FOCAD: variants seen among roughly 807,000 people sequenced by gnomAD.
FOCAD encodes KIAA1797.
In FOCAD, 198 loss-of-function variants were observed where a neutral mutation model predicts 225.6. That is an observed-to-expected ratio of 0.88 (90% CI 0.78 to 0.99). The LOEUF is 0.99. FOCAD is among the 50% of genes least tolerant of loss of function. The pLI, the probability that FOCAD is intolerant of heterozygous loss-of-function variation, is 0.00. For missense variants in FOCAD, 2,713 were observed against 2,123.6 expected (o/e 1.28, Z -5.46); for synonymous variants, 897 against 755.0 (o/e 1.19, Z -3.08).
intron 21 of FOCAD, among the ~76,000 whole-genome samples, chr9:20,888,117 A>ATTTTCTTTTTTTTTTTT (rs1831267420): frequency 1.4e-5 from 1 of 72,174 alleles, no homozygotes; most frequent in Non-Finnish European, 3.0e-5. Context: ...ATGTCTTTTC[A>ATTTTCTTTTTTTTTTTT]TTTTCTTTTT....
At position 20,993,341 on chromosome 9, in the gene FOCAD, T is replaced by C. The variant is rs758408663; in HGVS notation, c.5332+13T>C. On this transcript the variant is annotated intron_variant, in intron 43 of 43. Transcript: ENST00000338382. ...GATCTTTTGAAAGGTATTACTTCCA[T>C]GTTTTATGCTCAACATAGGGGAAAA... is the stretch of plus-strand genomic sequence containing the variant. The C allele has an allele frequency of 6.2e-7, 1 of 1,602,826 alleles. No individual in the cohort carries two copies. Among genetic ancestry groups the C allele is most frequent in the Non-Finnish European group, 8.5e-7 (1 of 1,170,028 alleles).
intron 18 of FOCAD, among the ~76,000 whole-genome samples, chr9:20,871,170 C>G (rs535418104): frequency 6.6e-6 from 1 of 151,880 alleles, no homozygotes; most frequent in Non-Finnish European, 1.5e-5. Flanking sequence ...TGCCACTACA[C>G]TCCAGCCCAG....
At chr9:20,885,644 C>A (rs1041072886) in intron 21 of FOCAD, 3 of 152,198 alleles carry the variant, frequency 2.0e-5, no homozygotes, top group Admixed American at 2.0e-4. Context: ...AGAAAAATAA[C>A]CCTTGGTTTT....
intron 10 of FOCAD, among the ~76,000 whole-genome samples, chr9:20,785,191 T>G (rs1819787426): frequency 6.6e-6 from 1 of 152,230 alleles, no homozygotes; most frequent in African/African-American, 2.4e-5. Flanking sequence ...GGTAAATAAC[T>G]TACTGTCATG....
rs527798184 is a variant in FOCAD at position 20,808,350 on chromosome 9, A to G, written c.1456-11446A>G. ...GTTATATTTATAGTCCTGGGTAAAT[A>G]CAAGAAGAATAGGGGCAGGTTTGCC... is the stretch of plus-strand genomic sequence containing the variant. On this transcript the variant is annotated intron_variant, in intron 11 of 43. Transcript: ENST00000338382. 2.0e-5 allele frequency among the ~76,000 whole-genome samples: 3 copies of G among 152,308 alleles called. No individual in the cohort carries two copies. In the East Asian group the frequency reaches 5.8e-4, roughly 29 times the overall value.
intron 1 of FOCAD, among the ~76,000 whole-genome samples, chr9:20,689,283 G>T (rs1822839049): frequency 6.6e-6 from 1 of 152,170 alleles, no homozygotes; most frequent in Non-Finnish European, 1.5e-5. Context: ...AATGAGACTG[G>T]TGGTGCATTC....
intron 19 of FOCAD, among the ~76,000 whole-genome samples, chr9:20,879,254 C>G (rs1404138754): frequency 6.6e-6 from 1 of 152,214 alleles, no homozygotes; most frequent in African/African-American, 2.4e-5. Context: ...ACAGATGCAA[C>G]TATCCTGTGT....
At chr9:20,726,211 G>A (rs1826183188) in intron 4 of FOCAD, 1 of 152,198 alleles carries the variant, frequency 6.6e-6, no homozygotes, top group Non-Finnish European at 1.5e-5. Context: ...TCCTGGAATA[G>A]AGTCCCAAAC....
intron 5 of FOCAD, among the ~76,000 whole-genome samples, chr9:20,752,569 T>G (rs934816127): frequency 8.5e-5 from 13 of 152,156 alleles, no homozygotes; most frequent in East Asian, 1.9e-4. Context: ...TAGCCTTGTA[T>G]TATAGTTTGA....
At position 20,968,342 on chromosome 9, in the gene FOCAD, T is replaced by A. The variant is rs563511619; in HGVS notation, c.4133-8078T>A. The stretch of plus-strand genomic sequence containing the variant: ...GATTTTATTTGCATGCTCTTTATGT[T>A]TTTTTTCTTAGTCTAGATAACAGTT... On this transcript the variant is annotated intron_variant, in intron 35 of 43. Coordinates refer to ENST00000338382, the MANE Select transcript of FOCAD (RefSeq NM_001375567.1). Among the ~76,000 whole-genome samples the A allele has an allele frequency of 5.2e-4, 79 of 152,038 alleles. No individual in the cohort carries two copies. In the Middle Eastern group the frequency reaches 0.017, roughly 33 times the overall value.
chr9:20,782,311 A>G (rs530298276), intron 10 of FOCAD, among the ~76,000 whole-genome samples: 1 of 152,320 alleles, frequency 6.6e-6, no homozygotes, highest in South Asian at 2.1e-4. Context: ...AAGGTGGGAA[A>G]TAGTCCTCAA....
intron 2 of FOCAD, among the ~76,000 whole-genome samples, chr9:20,673,029 G>T (rs1205007080): frequency 5.6e-4 from 85 of 152,292 alleles, no homozygotes; most frequent in Non-Finnish European, 5.9e-5. Flanking sequence ...AAGATACTCA[G>T]ATTTTATTCC....
chr9:20,918,161 C>G (rs1834028426), intron 24 of FOCAD, among the ~76,000 whole-genome samples: 1 of 152,322 alleles, frequency 6.6e-6, no homozygotes. Context: ...AGTTTGTTCT[C>G]TTATGTAGTC....
intron 21 of FOCAD, among the ~76,000 whole-genome samples, chr9:20,897,436 A>T (rs1000748095): frequency 1.3e-5 from 2 of 149,802 alleles, no homozygotes; most frequent in African/African-American, 4.9e-5. Context: ...TTTGTTGCTC[A>T]TGTTCTTTAT....
At chr9:20,761,666 C>T (rs1002849362) in intron 6 of FOCAD, among the ~76,000 whole-genome samples, 4 of 152,036 alleles carry the variant, frequency 2.6e-5, no homozygotes, top group Non-Finnish European at 5.9e-5. Flanking sequence ...ATGATCCACC[C>T]GCCTCGGACT....
chr9:20,854,315 G>A (rs772112198), intron 15 of FOCAD, among the ~76,000 whole-genome samples: 1 of 151,552 alleles, frequency 6.6e-6, no homozygotes, highest in African/African-American at 2.4e-5. Context: ...TTTTCTGTTG[G>A]TTATAACAAC....
intron 1 of FOCAD, among the ~76,000 whole-genome samples, chr9:20,710,376 A>G (rs1314438109): frequency 6.6e-6 from 1 of 151,726 alleles, no homozygotes; most frequent in Non-Finnish European, 1.5e-5. Flanking sequence ...TGGGCAGATC[A>G]CCTGAGGTCA....
chr9:20,786,688 AAAG>A (rs552739236), intron 10 of FOCAD, among the ~76,000 whole-genome samples: 72 of 152,340 alleles, frequency 4.7e-4, no homozygotes, highest in Admixed American at 3.6e-3. Flanking sequence ...CTGTTTTGAC[AAAG>A]AAGTACTATC....
intron 35 of FOCAD, among the ~76,000 whole-genome samples, chr9:20,968,470 A>AC (rs1352813840): frequency 2.1e-5 from 2 of 96,536 alleles, no homozygotes; most frequent in Non-Finnish European, 3.7e-5. Flanking sequence ...GAGTTAGAGT[A>AC]TTGCTGTGTC....
Sources: gnomAD v4.1 joint callset for allele counts (sites outside exome capture counted in the v4.1 genomes callset) on GRCh38, gnomAD v4.1.1 for gene constraint, MANE v1.5 for transcripts, NCBI Gene and HGNC (gene_info 2026-07-23, HGNC 2026-07-21) for gene names.